The following THADA variants were observed in gnomAD, a reference collection of about 807,000 sequenced individuals.
The protein encoded by THADA is tRNA (32-2'-O)-methyltransferase regulator THADA.
In THADA, 213 loss-of-function variants were observed where a neutral mutation model predicts 219.8. That is an observed-to-expected ratio of 0.97 (90% CI 0.87 to 1.09). The LOEUF (loss-of-function observed/expected upper bound fraction) is 1.09. Among genes scored for constraint, THADA ranks in the 50% least tolerant of loss-of-function variants. The probability of loss-of-function intolerance (pLI) is 0.00; values close to 1 mark genes in which losing one functional copy is unlikely to be tolerated. For synonymous variants in THADA, 1,018 were observed against 828.9 expected, an observed-to-expected ratio of 1.23 and a Z score of -3.92; for missense variants, 2,956 against 2,311.3, an observed-to-expected ratio of 1.28 and a Z score of -5.72.
At chr2:43,435,688 C>A (rs561819456) in intron 26 of THADA, among the ~76,000 whole-genome samples, 1 of 149,434 alleles carries the variant, frequency 6.7e-6, no homozygotes, top group African/African-American at 2.5e-5. Context: ...GAGGCTGATG[C>A]GACAGAATCG....
At chr2:43,569,633 C>T (rs1699078965) in intron 14 of THADA, among the ~76,000 whole-genome samples, 2 of 152,114 alleles carry the variant, frequency 1.3e-5, no homozygotes, top group Non-Finnish European at 2.9e-5. Context: ...CCAAGGGCAT[C>T]CATAATAATG....
chr2:43,344,904 G>A (rs773461351), intron 29 of THADA, among the ~76,000 whole-genome samples: 3 of 152,130 alleles, frequency 2.0e-5, no homozygotes, highest in Non-Finnish European at 2.9e-5. Flanking sequence ...AATGACATCC[G>A]CAAAGCCTCT....
At chr2:43,470,597 T>A (rs1217509822) in intron 26 of THADA, among the ~76,000 whole-genome samples, 1 of 152,150 alleles carries the variant, frequency 6.6e-6, no homozygotes, top group Admixed American at 6.5e-5. Context: ...TTATAAAAAC[T>A]GAACACTCAC....
chr2:43,557,290 A>G (rs1171140216), intron 16 of THADA, among the ~76,000 whole-genome samples: 2 of 152,220 alleles, frequency 1.3e-5, no homozygotes, highest in Non-Finnish European at 2.9e-5. Context: ...TTCTTCAGCA[A>G]AAGTGTACTT....
intron 30 of THADA, among the ~76,000 whole-genome samples, chr2:43,339,253 G>T (rs1666812864): frequency 6.6e-6 from 1 of 152,152 alleles, no homozygotes; most frequent in Admixed American, 6.5e-5. Context: ...ATTTATTTCT[G>T]GTTATCACAT....
chr2:43,515,010 T>A (rs1223469459), intron 22 of THADA, among the ~76,000 whole-genome samples: 2 of 33,308 alleles, frequency 6.0e-5, no homozygotes. Flanking sequence ...ATATTATATA[T>A]ATTATATATT....
chr2:43,380,979 T>C (rs1671941993), intron 29 of THADA, among the ~76,000 whole-genome samples: 1 of 150,466 alleles, frequency 6.6e-6, no homozygotes, highest in Non-Finnish European at 1.5e-5. Flanking sequence ...ATGCCTATAG[T>C]CCCAGCTACT....
intron 31 of THADA, among the ~76,000 whole-genome samples, chr2:43,300,368 A>C (rs1227791856): frequency 6.6e-6 from 1 of 152,160 alleles, no homozygotes; most frequent in Non-Finnish European, 1.5e-5. Flanking sequence ...TTAACTCTTT[A>C]ATGAGGTAGG....
chr2:43,586,359 A>C (rs184013751), intron 7 of THADA, 42 bp downstream of exon 7: 1 of 1,484,782 alleles, frequency 6.7e-7, no homozygotes. Context: ...ATAATGTACA[A>C]CTGCAAGTGT....
intron 26 of THADA, among the ~76,000 whole-genome samples, chr2:43,476,012 A>G (rs1685487992): frequency 6.6e-6 from 1 of 152,170 alleles, no homozygotes; most frequent in Non-Finnish European, 1.5e-5. Flanking sequence ...TCTTAACAGA[A>G]CTGATTTTGG....
At chr2:43,233,905 C>T (rs1413793372) in intron 36 of THADA, among the ~76,000 whole-genome samples, 2 of 152,158 alleles carry the variant, frequency 1.3e-5, no homozygotes, top group Admixed American at 1.3e-4. Context: ...TTCAATGATG[C>T]ATTTCTATTG....
chr2:43,420,460 G>A (rs951978778), intron 28 of THADA, among the ~76,000 whole-genome samples: 2 of 152,174 alleles, frequency 1.3e-5, no homozygotes, highest in Non-Finnish European at 2.9e-5. Context: ...TAGTATGAAT[G>A]GCAGCAATAG....
chr2:43,272,927 C>T (rs1437723377), intron 36 of THADA, among the ~76,000 whole-genome samples: 5 of 151,890 alleles, frequency 3.3e-5, no homozygotes, highest in Non-Finnish European at 7.4e-5. Flanking sequence ...TGCCTAGCCC[C>T]AATTTAGAAT....
intron 26 of THADA, among the ~76,000 whole-genome samples, chr2:43,471,048 T>C (rs1684848083): frequency 6.6e-6 from 1 of 152,162 alleles, no homozygotes; most frequent in South Asian, 2.1e-4. Flanking sequence ...ACTGAAAACA[T>C]ACAGGTGTTT....
intron 29 of THADA, among the ~76,000 whole-genome samples, chr2:43,385,865 A>G (rs568219929): frequency 1.3e-5 from 2 of 151,742 alleles, no homozygotes; most frequent in South Asian, 2.1e-4. Context: ...TCTTAAATCC[A>G]TTTGATATTA....
chr2:43,411,274 AT>A (rs1172408113), intron 28 of THADA, among the ~76,000 whole-genome samples: 1 of 152,222 alleles, frequency 6.6e-6, no homozygotes, highest in African/African-American at 2.4e-5. Flanking sequence ...AGTTGCAAAA[AT>A]GAGTGTTCCC....
intron 31 of THADA, among the ~76,000 whole-genome samples, chr2:43,300,034 A>G (rs1300612292): frequency 9.8e-6 from 1 of 101,930 alleles, no homozygotes; most frequent in Non-Finnish European, 2.0e-5. Flanking sequence ...GTCTCAAGGC[A>G]AAAAAAAAAA....
chr2:43,488,721 G>A (rs1296522095), intron 25 of THADA, among the ~76,000 whole-genome samples: 1 of 152,164 alleles, frequency 6.6e-6, no homozygotes, highest in Admixed American at 6.6e-5. Context: ...TGGTCACAGA[G>A]TAACTCTATG....
intron 30 of THADA, among the ~76,000 whole-genome samples, chr2:43,321,996 A>G (rs147459435): frequency 2.6e-5 from 4 of 152,234 alleles, no homozygotes; most frequent in African/African-American, 9.6e-5. Flanking sequence ...TGAATTGCCT[A>G]TATCTGGAGC....
Sources: gnomAD v4.1 joint callset for allele counts (sites outside exome capture counted in the v4.1 genomes callset) on GRCh38, gnomAD v4.1.1 for gene constraint, MANE v1.5 for transcripts, NCBI Gene and HGNC (gene_info 2026-07-23, HGNC 2026-07-21) for gene names.